The following UGT2B10 variants were observed in gnomAD, a reference collection of about 807,000 sequenced individuals.
UGT2B10 encodes UDP-glucuronosyltransferase 2B10.
In UGT2B10, 51 loss-of-function variants were observed where a neutral mutation model predicts 43.7. The observed-to-expected ratio is 1.17, with a 90% confidence interval of 0.93 to 1.47. UGT2B10 has a LOEUF of 1.47. Ranked by LOEUF, UGT2B10 falls within the 40% of genes most tolerant of loss-of-function variation. The probability of loss-of-function intolerance (pLI) is 0.00; values close to 1 mark genes in which losing one functional copy is unlikely to be tolerated. For missense variants in UGT2B10, 696 were observed against 617.7 expected, an observed-to-expected ratio of 1.13 and a Z score of -1.34; for synonymous variants, 225 against 209.0, an observed-to-expected ratio of 1.08 and a Z score of -0.66.
Position 68,831,225 on chromosome 4 carries a change from C to A in UGT2B10, c.*346C>A. On this transcript the variant is annotated 3_prime_UTR_variant, in exon 6 of 6. Transcript: ENST00000265403. Reference sequence around the variant, plus strand: ...TCTCTCACCTCAGCCCCCCAAGTAGCTGGGACCATAGGTGCATGTCACCAT... The same window carrying A: ...TCTCTCACCTCAGCCCCCCAAGTAGATGGGACCATAGGTGCATGTCACCAT... 4.4e-6 allele frequency: 1 copy of A among 228,630 alleles called. No homozygotes were observed. Among genetic ancestry groups the A allele is most frequent in the South Asian group, 7.9e-5 (1 of 12,692 alleles). The allele number at this position is 228,630 out of a possible 1,614,324, so 14.2% of individuals were successfully genotyped here.
rs960034843 is a variant in UGT2B10 at position 68,818,233 on chromosome 4, CTG to C, written c.867+58_867+59del. 1.9e-6 allele frequency: 3 copies of C among 1,594,616 alleles called. No individual in the cohort carries two copies. In the African/African-American group the frequency reaches 4.1e-5, roughly 22 times the overall value. Reference sequence around the variant, plus strand: ...TGGCTTCAAATTTCAGTAGAAATGACTGTATAGTCTTCATTCAGAGTGTTTGA... The same window carrying C: ...TGGCTTCAAATTTCAGTAGAAATGACTATAGTCTTCATTCAGAGTGTTTGA... On this transcript the variant is annotated intron_variant, in intron 2 of 5. Transcript: ENST00000265403.
chr4:68,819,593 T>C (rs971151531), intron 2 of UGT2B10, among the ~76,000 whole-genome samples: 2 of 152,008 alleles, frequency 1.3e-5, no homozygotes, highest in Non-Finnish European at 2.9e-5. Flanking sequence ...CATAAACATA[T>C]CCTATTAGAG....
intron 5 of UGT2B10, among the ~76,000 whole-genome samples, chr4:68,828,194 T>G (rs1424258472): frequency 6.6e-6 from 1 of 152,082 alleles, no homozygotes; most frequent in East Asian, 1.9e-4. Context: ...TTATTCTCTA[T>G]AGATGTTTCA....
rs587715482 is a variant in UGT2B10 at position 68,822,382 on chromosome 4, C to T, written c.979C>T (p.Leu327Phe). Reference sequence around the variant, plus strand: ...AAGGGCCAACGTAATTGCAACAGCCCTTGCCAAGATCCCACAAAAGGTAAG... The same window carrying T: ...AAGGGCCAACGTAATTGCAACAGCCTTTGCCAAGATCCCACAAAAGGTAAG... ...EERANVIATA[L>F]AKIPQKVLWR... The change falls in exon 3 of 6, where the codon CTT becomes TTT. Residue 327 changes from leucine to phenylalanine, a missense_variant. Transcript: ENST00000265403. The T allele has an allele frequency of 9.2e-5, 149 of 1,613,640 alleles. 1 individual carries two copies. Among genetic ancestry groups the T allele is most frequent in the Non-Finnish European group, 1.2e-4 (144 of 1,179,784 alleles).
rs1481496988 is a variant in UGT2B10 at position 68,830,906 on chromosome 4, A to T, written c.*27A>T. 92 of 1,605,984 alleles carry T rather than the reference A, an allele frequency of 5.7e-5. No homozygotes were observed. The highest frequency in any genetic ancestry group is 7.8e-5 in the Non-Finnish European group (92 of 1,176,164). The stretch of plus-strand genomic sequence containing the variant: ...TATATCTGAGATTTGAAGCTGGAAA[A>T]CCTGATAGATAGGAATACTTCAGTT... On this transcript the variant is annotated 3_prime_UTR_variant, in exon 6 of 6. Transcript: ENST00000265403.
intron 3 of UGT2B10, among the ~76,000 whole-genome samples, chr4:68,823,072 T>C (rs1435575180): frequency 6.6e-6 from 1 of 152,166 alleles, no homozygotes; most frequent in African/African-American, 2.4e-5. Flanking sequence ...AGACTGGCTC[T>C]GGTGGTCATT....
In UGT2B10 at chr4:68,816,038, A is replaced by G. The variant is rs1737171901; in HGVS notation, c.19A>G (p.Thr7Ala). 1.6e-5 allele frequency: 26 copies of G among 1,612,654 alleles called. No homozygotes were observed. Among genetic ancestry groups the G allele is most frequent in the Non-Finnish European group, 2.2e-5 (26 of 1,179,132 alleles). ...CACAAGGATGGCTCTGAAATGGACTACAGTTCTGCTGATACAACTCAGTTT... is the reference window on the plus strand; with the variant it reads ...CACAAGGATGGCTCTGAAATGGACTGCAGTTCTGCTGATACAACTCAGTTT... MALKWT[T>A]VLLIQLSFYF... Residue 7 changes from threonine (T) to alanine (A), a missense_variant, in exon 1 of 6, where the codon ACA becomes GCA. Coordinates refer to ENST00000265403, the MANE Select transcript of UGT2B10 (RefSeq NM_001075.6).
Position 68,830,663 on chromosome 4 carries a change from T to G in UGT2B10, c.1371T>G (p.Asp457Glu). The change falls in exon 6 of 6, where the codon GAT (aspartate) becomes GAG (glutamate). Residue 457 changes from aspartate (D) to glutamate (E), a missense_variant. Physicochemically the swap from Asp to Glu is conservative, Grantham distance 45. Transcript: ENST00000265403. ...ATGATCAACCAGTGAAGCCCCTGGA[T>G]CGAGCAGTCTTCTGGATTGAATTTG... ...IQHDQPVKPL[D>E]RAVFWIEFVM... is the part of the protein sequence containing the mutation. The G allele has an allele frequency of 6.2e-7, 1 of 1,613,322 alleles. No homozygotes were observed. The highest frequency in any genetic ancestry group is 8.5e-7 in the Non-Finnish European group (1 of 1,179,454).
intron 1 of UGT2B10, 68 bp from the exon 2 acceptor site, chr4:68,817,961 C>G: frequency 7.1e-6 from 11 of 1,555,208 alleles, no homozygotes; most frequent in Non-Finnish European, 9.5e-6. Flanking sequence ...TATTCTAACC[C>G]CTTTCAGAAA....
At chr4:68,826,644 G>T (rs964236108) in intron 4 of UGT2B10, 147 bp downstream of exon 4, 5 of 1,026,208 alleles carry the variant, frequency 4.9e-6, no homozygotes, top group African/African-American at 3.4e-5. Flanking sequence ...TAGGGGAAAA[G>T]AATATGTTAT....
intron 3 of UGT2B10, among the ~76,000 whole-genome samples, chr4:68,825,278 C>T (rs1370958541): frequency 6.6e-6 from 1 of 150,798 alleles, no homozygotes; most frequent in Admixed American, 6.6e-5. Flanking sequence ...ACAATGACTC[C>T]CTATAATTTT....
intron 3 of UGT2B10, among the ~76,000 whole-genome samples, chr4:68,823,414 G>A (rs1737611841): frequency 6.6e-6 from 1 of 152,076 alleles, no homozygotes; most frequent in Non-Finnish European, 1.5e-5. Flanking sequence ...CACTGAGGCA[G>A]GAGAATCCCT....
chr4:68,823,412 C>T (rs950021762), intron 3 of UGT2B10, among the ~76,000 whole-genome samples: 4 of 152,026 alleles, frequency 2.6e-5, no homozygotes, highest in Admixed American at 2.6e-4. Flanking sequence ...GACACTGAGG[C>T]AGGAGAATCC....
At chr4:68,822,547 C>G (rs996802435) in intron 3 of UGT2B10, 145 bp downstream of exon 3, 2 of 1,526,946 alleles carry the variant, frequency 1.3e-6, no homozygotes, top group African/African-American at 1.4e-5. Flanking sequence ...CATCCACTGA[C>G]AGAAGTAATA....
In UGT2B10 at chr4:68,829,737, G is replaced by A. The variant is rs762009103; in HGVS notation, c.1308-863G>A. 3.9e-5 allele frequency among the ~76,000 whole-genome samples: 6 copies of A among 152,144 alleles called. No homozygotes were observed. In the South Asian group the frequency reaches 8.3e-4, roughly 21 times the overall value. On this transcript the variant is annotated intron_variant, in intron 5 of 5. Transcript: ENST00000265403. Reference sequence around the variant, plus strand: ...GATAAAATGTGTAAAGTGCTAAGATGAGAACACCTTTGGAAGCTTAAAGAA... The same window carrying A: ...GATAAAATGTGTAAAGTGCTAAGATAAGAACACCTTTGGAAGCTTAAAGAA...
chr4:68,818,280 G>A, intron 2 of UGT2B10, 103 bp downstream of exon 2: 1 of 1,552,256 alleles, frequency 6.4e-7, no homozygotes, highest in Non-Finnish European at 8.6e-7. Context: ...AAAAAGATGG[G>A]AAGTAGGTGG....
chr4:68,824,865 C>A (rs1293645264), intron 3 of UGT2B10, among the ~76,000 whole-genome samples: 5 of 152,074 alleles, frequency 3.3e-5, no homozygotes, highest in Admixed American at 2.6e-4. Flanking sequence ...TATTTTTATT[C>A]ATGATACCAA....
At chr4:68,827,583 A>G in intron 5 of UGT2B10, 35 bp downstream of exon 5, 1 of 1,610,352 alleles carries the variant, frequency 6.2e-7, no homozygotes, top group Non-Finnish European at 8.5e-7. Context: ...AGATGGTATT[A>G]ATAGATAGCT....
rs1737216154 is a variant in UGT2B10, at chr4:68,816,484, T to C, written c.465T>C (p.Cys155=). ...TTTTTGCAGATGCTTATTTACCCTG[T>C]GGTGAGCTGCTGGCTGAGCTATTTA... ...DIVFADAYLP[C]GELLAELFNI... is the part of the protein sequence containing the mutation. The change falls in exon 1 of 6, where the codon TGT becomes TGC. Residue 155 remains cysteine, a synonymous_variant. Coordinates refer to ENST00000265403, the MANE Select transcript of UGT2B10 (RefSeq NM_001075.6). 1.2e-6 allele frequency: 2 copies of C among 1,613,272 alleles called. No individual in the cohort carries two copies. Among genetic ancestry groups the C allele is most frequent in the Non-Finnish European group, 1.7e-6 (2 of 1,179,458 alleles).
Sources: allele counts gnomAD v4.1 joint callset (sites outside exome capture counted in the v4.1 genomes callset), GRCh38; gene constraint gnomAD v4.1.1; transcripts MANE v1.5; gene names NCBI Gene and HGNC (gene_info 2026-07-23, HGNC 2026-07-21).